TTLL11: variants seen among roughly 807,000 people sequenced by gnomAD.
TTLL11 encodes the protein tubulin tyrosine ligase like 11, also known as tubulin polyglutamylase TTLL11.
TTLL11 carries 42 observed loss-of-function variants against 51.7 expected under a neutral mutation model. The observed-to-expected ratio is 0.81, with a 90% CI of 0.64 to 1.05. The LOEUF is 1.05. Ranked by LOEUF, TTLL11 falls within the 50% of genes least tolerant of loss-of-function variation. The pLI, the probability that TTLL11 is intolerant of heterozygous loss-of-function variation, is 0.00. For synonymous variants in TTLL11, 381 were observed against 383.5 expected (o/e 0.99, Z 0.08); for missense variants, 799 against 940.4 (o/e 0.85, Z 1.97).
At chr9:121,866,464 A>G (rs983857056) in intron 7 of TTLL11, among the ~76,000 whole-genome samples, 1 of 152,102 alleles carries the variant, frequency 6.6e-6, no homozygotes, top group African/African-American at 2.4e-5. Flanking sequence ...GTTCAAGACC[A>G]GCCTGACCAA....
chr9:121,921,485 C>T (rs1840542956), intron 6 of TTLL11, among the ~76,000 whole-genome samples: 1 of 152,122 alleles, frequency 6.6e-6, no homozygotes, highest in Admixed American at 6.5e-5. Flanking sequence ...CTCTAAGTAA[C>T]AATTTTTTTT....
At chr9:121,903,090 T>C (rs1294998599) in intron 6 of TTLL11, among the ~76,000 whole-genome samples, 1 of 152,178 alleles carries the variant, frequency 6.6e-6, no homozygotes, top group Non-Finnish European at 1.5e-5. Flanking sequence ...AAGGTAATAG[T>C]CACAATGGGC....
chr9:121,998,047 G>A (rs772038665), intron 3 of TTLL11, among the ~76,000 whole-genome samples: 29 of 152,160 alleles, frequency 1.9e-4, no homozygotes, highest in African/African-American at 7.0e-4. Context: ...ACACTCCACT[G>A]CTGAGTAAGC....
rs549979789 is a variant in TTLL11 at position 121,817,491 on chromosome 9, C to T, written c.*5096G>A. 1.3e-5 allele frequency: 2 copies of T among 152,346 alleles called. No individual in the cohort carries two copies. Among genetic ancestry groups the T allele is most frequent in the African/African-American group, 4.8e-5 (2 of 41,572 alleles). The allele number at this position is 152,346 out of a possible 1,614,324, so 9.4% of individuals were successfully genotyped here. A position where few individuals can be genotyped will look rare whatever the true frequency, so the allele number is the denominator to read the frequency against. ...ACATTGATGACATTTTCTGTGATCT[C>T]GTCTTATGCTCCCAAAGATCAAGTG... is the stretch of plus-strand genomic sequence containing the variant. On this transcript the variant is annotated 3_prime_UTR_variant, in exon 9 of 9. Transcript: ENST00000321582.
At chr9:122,026,815 C>G (rs151243344) in intron 3 of TTLL11, among the ~76,000 whole-genome samples, 135 of 150,722 alleles carry the variant, frequency 9.0e-4, no homozygotes, top group Middle Eastern at 3.4e-3. Context: ...ACATCATGTA[C>G]TTAGCAACAT....
Position 121,938,326 on chromosome 9 carries a change from T to C in TTLL11, c.1481+35683A>G, listed in dbSNP as rs571186727. Among the ~76,000 whole-genome samples the C allele has an allele frequency of 2.1e-4, 32 of 149,212 alleles. No individual in the cohort carries two copies. The South Asian group carries it at 6.1e-3, about 29-fold the overall frequency. ...AAAAAAATCAGGAATATGACAAGCATGTCCACACTCCTAATTCCCACAATT... is the reference window on the plus strand; with the variant it reads ...AAAAAAATCAGGAATATGACAAGCACGTCCACACTCCTAATTCCCACAATT... On this transcript the variant is annotated intron_variant, in intron 6 of 8. Coordinates refer to ENST00000321582, the MANE Select transcript of TTLL11 (RefSeq NM_001139442.2).
At chr9:121,901,229 T>G (rs1419914351) in intron 6 of TTLL11, among the ~76,000 whole-genome samples, 2 of 152,246 alleles carry the variant, frequency 1.3e-5, no homozygotes, top group Admixed American at 6.5e-5. Context: ...CAGTTCTTAG[T>G]AGCCTTTTAG....
intron 3 of TTLL11, among the ~76,000 whole-genome samples, chr9:122,017,077 A>T (rs1844009947): frequency 6.6e-6 from 1 of 152,128 alleles, no homozygotes. Flanking sequence ...AAATAAACTT[A>T]ATCCTAATTA....
At chr9:122,019,829 A>C (rs1328731356) in intron 3 of TTLL11, among the ~76,000 whole-genome samples, 2 of 152,194 alleles carry the variant, frequency 1.3e-5, no homozygotes, top group African/African-American at 4.8e-5. Context: ...GAGATAACTG[A>C]ATCATAGGGG....
At chr9:121,899,381 A>ATGTGTATG (rs1839674300) in intron 6 of TTLL11, among the ~76,000 whole-genome samples, 1 of 100,442 alleles carries the variant, frequency 1.0e-5, no homozygotes, top group South Asian at 3.6e-4. Flanking sequence ...ATATATACAT[A>ATGTGTATG]TATATATATA....
At position 121,989,424 on chromosome 9, in the gene TTLL11, A is replaced by G; in HGVS notation, c.1040T>C (p.Leu347Pro). 3 of 1,614,160 alleles carry G rather than the reference A, an allele frequency of 1.9e-6. No individual in the cohort carries two copies. The highest frequency in any genetic ancestry group is 2.5e-6 in the Non-Finnish European group (3 of 1,180,040). ...RIFMHLTNYS[L>P]NIHSGNFIHS... ...GATGAAGTTGCCGCTGTGGATGTTC[A>G]GTGAATAGTTGGTTAAGTGCATAAA... Residue 347 changes from leucine to proline, a missense_variant, in exon 4 of 9, where the codon CTG (leucine) becomes CCG (proline). By Grantham distance (98) the Leu-to-Pro change is moderately conservative (BLOSUM62 -3). Coordinates refer to ENST00000321582, the MANE Select transcript of TTLL11 (RefSeq NM_001139442.2). The surrounding 1 kb of genome is among the most constrained non-coding windows in gnomAD (Gnocchi z 4.2).
chr9:121,937,507 C>T (rs1257579446), intron 6 of TTLL11, among the ~76,000 whole-genome samples: 1 of 152,172 alleles, frequency 6.6e-6, no homozygotes, highest in East Asian at 1.9e-4. Context: ...CTTTTGCAGA[C>T]AGCAAGCACT....
chr9:122,029,563 T>C (rs1187755081), intron 3 of TTLL11, among the ~76,000 whole-genome samples: 1 of 152,194 alleles, frequency 6.6e-6, no homozygotes, highest in African/African-American at 2.4e-5. Flanking sequence ...AATAAGAATA[T>C]AAGGAAATTT....
chr9:122,049,672 T>C (rs1252970892), intron 1 of TTLL11, among the ~76,000 whole-genome samples: 2 of 152,174 alleles, frequency 1.3e-5, no homozygotes, highest in Admixed American at 1.3e-4. Context: ...GAACTGAAGC[T>C]GTTAAATGTT....
At chr9:122,034,460 C>T (rs1458820959) in intron 2 of TTLL11, among the ~76,000 whole-genome samples, 1 of 152,242 alleles carries the variant, frequency 6.6e-6, no homozygotes, top group Non-Finnish European at 1.5e-5. Flanking sequence ...CCAGGCACTT[C>T]CTGCCTGCAG....
At chr9:121,928,476 CTT>C in intron 6 of TTLL11, among the ~76,000 whole-genome samples, 1 of 144,756 alleles carries the variant, frequency 6.9e-6, no homozygotes, top group East Asian at 2.0e-4. Flanking sequence ...GAATCTCACT[CTT>C]TTGCTAGGCT....
At chr9:121,882,798 C>G (rs1018534561) in intron 6 of TTLL11, among the ~76,000 whole-genome samples, 2 of 152,214 alleles carry the variant, frequency 1.3e-5, no homozygotes, top group Non-Finnish European at 2.9e-5. Context: ...CTTCCTGGAT[C>G]CTTCCCACTC....
intron 6 of TTLL11, among the ~76,000 whole-genome samples, chr9:121,942,753 T>A (rs1451989368): frequency 1.3e-5 from 2 of 149,750 alleles, no homozygotes; most frequent in African/African-American, 5.0e-5. Context: ...TTTTTTTTTT[T>A]TTTTTTTTGC....
At chr9:121,967,533 G>A (rs778842676) in intron 6 of TTLL11, among the ~76,000 whole-genome samples, 1 of 152,136 alleles carries the variant, frequency 6.6e-6, no homozygotes, top group Non-Finnish European at 1.5e-5. Context: ...TCAGAGGGAG[G>A]TTCTTGAACC....
Sources: allele counts gnomAD v4.1 joint callset (sites outside exome capture counted in the v4.1 genomes callset), GRCh38; gene constraint gnomAD v4.1.1; non-coding constraint Gnocchi (gnomAD v3.1); transcripts MANE v1.5; gene names NCBI Gene and HGNC (gene_info 2026-07-23, HGNC 2026-07-21).